Variants in KCNH7 observed in about 807,000 individuals in gnomAD.
The protein encoded by KCNH7 is potassium voltage-gated channel subfamily H member 7, also known as voltage-gated inwardly rectifying potassium channel KCNH7.
A neutral mutation model predicts 120.8 loss-of-function variants in KCNH7; 49 were observed. The observed-to-expected ratio is 0.41, with a 90% confidence interval of 0.32 to 0.51. The LOEUF (loss-of-function observed/expected upper bound fraction) is 0.51, where lower values mean the gene tolerates loss of function less well. Ranked by LOEUF, KCNH7 falls within the 20% of genes least tolerant of loss-of-function variation. KCNH7 has a pLI of 0.38. For synonymous variants in KCNH7, 547 were observed against 516.1 expected (o/e 1.06, Z -0.81); for missense variants, 1,097 against 1,446.6 (o/e 0.76, Z 3.92).
intron 2 of KCNH7, among the ~76,000 whole-genome samples, chr2:162,630,432 A>C (rs1364660877): frequency 6.6e-6 from 1 of 152,062 alleles, no homozygotes; most frequent in Non-Finnish European, 1.5e-5. Context: ...ATCTACAACC[A>C]ATAGATGCGG....
chr2:162,630,791 A>G (rs1032769863), intron 2 of KCNH7, among the ~76,000 whole-genome samples: 3 of 152,098 alleles, frequency 2.0e-5, no homozygotes, highest in Non-Finnish European at 4.4e-5. Flanking sequence ...AATAACCTTT[A>G]AAAAATAAGG....
At chr2:162,631,025 A>G (rs1683747325) in intron 2 of KCNH7, among the ~76,000 whole-genome samples, 1 of 152,116 alleles carries the variant, frequency 6.6e-6, no homozygotes, top group South Asian at 2.1e-4. Flanking sequence ...AGAGTGAAAG[A>G]CCACTACTAG....
chr2:162,379,975 C>T lies in KCNH7; in HGVS notation c.3009G>A (p.Gln1003=), dbSNP rs117261622. 7.4e-6 allele frequency: 12 copies of T among 1,614,046 alleles called. No individual in the cohort carries two copies. In the East Asian group the frequency reaches 2.2e-4, roughly 30 times the overall value. Residue 1003 remains glutamine (Q), a synonymous_variant, in exon 14 of 16, where the codon CAG becomes CAA. Transcript: ENST00000332142. ...GTGCAGATGGACTGGAGTCTTCAGG[C>T]TGGGGATGTGCATTTTCTCGTTCCC... ...RSWERENAHP[Q]PEDSSPSALQ...
chr2:162,423,441 T>G lies in KCNH7; in HGVS notation c.2049A>C (p.Val683=), dbSNP rs979367598. The part of the protein sequence containing the change: ...TARYHMQMLR[V]KEFIRFHQIP... ...TTTGGTGAAAGCGAATGAACTCTTT[T>G]ACTCGCAGCATCTGCATGTGGTACC... The change falls in exon 9 of 16, where the codon GTA becomes GTC. Residue 683 remains valine (V), a synonymous_variant. Coordinates refer to ENST00000332142, the MANE Select transcript of KCNH7 (RefSeq NM_033272.4). 11 of 1,614,014 alleles carry G rather than the reference T, an allele frequency of 6.8e-6. No individual in the cohort carries two copies. The African/African-American group carries it at 1.5e-4, about 22-fold the overall frequency.
intron 2 of KCNH7, among the ~76,000 whole-genome samples, chr2:162,788,644 C>A (rs1683800185): frequency 6.6e-6 from 1 of 151,452 alleles, no homozygotes; most frequent in African/African-American, 2.4e-5. Flanking sequence ...ATCAAGTGAA[C>A]CAATTATGTA....
intron 2 of KCNH7, among the ~76,000 whole-genome samples, chr2:162,676,888 C>A (rs2105306012): frequency 6.6e-6 from 1 of 151,414 alleles, no homozygotes; most frequent in South Asian, 2.1e-4. Context: ...AAATATTACT[C>A]ATATCTATGA....
At chr2:162,484,864 C>T (rs1690042972) in intron 6 of KCNH7, among the ~76,000 whole-genome samples, 1 of 152,130 alleles carries the variant, frequency 6.6e-6, no homozygotes, top group South Asian at 2.1e-4. Flanking sequence ...GGCTCCTCTT[C>T]GCCTTCCATC....
At chr2:162,539,592 A>G (rs1421763343) in intron 2 of KCNH7, among the ~76,000 whole-genome samples, 1 of 147,610 alleles carries the variant, frequency 6.8e-6, no homozygotes, top group African/African-American at 2.7e-5. Flanking sequence ...TTACTGAATT[A>G]CTAAAAATCA....
At chr2:162,724,685 G>A (rs1008830983) in intron 2 of KCNH7, among the ~76,000 whole-genome samples, 21 of 144,350 alleles carry the variant, frequency 1.5e-4, no homozygotes, top group East Asian at 4.3e-4. Flanking sequence ...AAAAAAAAAA[G>A]AATATACTGT....
At chr2:162,540,331 G>A (rs891941608) in intron 2 of KCNH7, among the ~76,000 whole-genome samples, 2 of 151,352 alleles carry the variant, frequency 1.3e-5, no homozygotes, top group African/African-American at 4.9e-5. Flanking sequence ...TTCCAAAGTG[G>A]AAAAGACTGT....
chr2:162,658,195 T>A (rs1434445456), intron 2 of KCNH7, among the ~76,000 whole-genome samples: 1 of 151,894 alleles, frequency 6.6e-6, no homozygotes, highest in South Asian at 2.1e-4. Context: ...ATTATTGTTA[T>A]TTTTTTATTT....
chr2:162,747,312 G>A (rs1001534494), intron 2 of KCNH7, among the ~76,000 whole-genome samples: 2 of 152,150 alleles, frequency 1.3e-5, no homozygotes, highest in African/African-American at 4.8e-5. Context: ...TAACAACAGT[G>A]AGAGTTAAAA....
intron 2 of KCNH7, among the ~76,000 whole-genome samples, chr2:162,808,744 T>C (rs1248668715): frequency 6.6e-6 from 1 of 151,614 alleles, no homozygotes; most frequent in East Asian, 1.9e-4. Context: ...TAAAGATATA[T>C]ATACATATAA....
intron 9 of KCNH7, among the ~76,000 whole-genome samples, chr2:162,401,859 G>A (rs1249410958): frequency 6.6e-6 from 1 of 151,828 alleles, no homozygotes; most frequent in Non-Finnish European, 1.5e-5. Flanking sequence ...TCACCAATCT[G>A]TGTTTCTCTA....
intron 14 of KCNH7, among the ~76,000 whole-genome samples, chr2:162,376,570 G>A (rs1370454293): frequency 6.6e-6 from 1 of 151,998 alleles, no homozygotes; most frequent in Non-Finnish European, 1.5e-5. Flanking sequence ...CACCATCTTG[G>A]CCAGGCTGGT....
At chr2:162,573,300 G>A (rs1432810143) in intron 2 of KCNH7, among the ~76,000 whole-genome samples, 7 of 152,062 alleles carry the variant, frequency 4.6e-5, no homozygotes, top group Non-Finnish European at 5.9e-5. Flanking sequence ...GGTAAGAATA[G>A]TAGCTCATTC....
chr2:162,736,129 G>A (rs543729467), intron 2 of KCNH7, among the ~76,000 whole-genome samples: 1 of 152,140 alleles, frequency 6.6e-6, no homozygotes, highest in African/African-American at 2.4e-5. Context: ...GAGGACTCAG[G>A]ACTAGGTCTT....
At chr2:162,520,521 A>T (rs925719322) in intron 3 of KCNH7, among the ~76,000 whole-genome samples, 66 of 151,944 alleles carry the variant, frequency 4.3e-4, no homozygotes, top group African/African-American at 1.4e-3. Context: ...GCACTTCGTG[A>T]AGAAAAGGCA....
chr2:162,736,246 T>C (rs1452317866), intron 2 of KCNH7, among the ~76,000 whole-genome samples: 1 of 152,168 alleles, frequency 6.6e-6, no homozygotes, highest in East Asian at 1.9e-4. Context: ...AGTTGCTTTT[T>C]GAATAGAATG....
Sources: allele counts gnomAD v4.1 joint callset (sites outside exome capture counted in the v4.1 genomes callset), GRCh38; gene constraint gnomAD v4.1.1; transcripts MANE v1.5; gene names NCBI Gene and HGNC (gene_info 2026-07-23, HGNC 2026-07-21).